The following KCNJ6 variants were observed in gnomAD, a reference collection of about 807,000 sequenced individuals.
The protein encoded by KCNJ6 is potassium inwardly rectifying channel subfamily J member 6.
A neutral mutation model predicts 34.2 loss-of-function variants in KCNJ6; 9 were observed. The ratio of observed to expected loss-of-function variants is 0.26; its 90% CI spans 0.16 to 0.46. KCNJ6 has a LOEUF of 0.46. Ranked by LOEUF, KCNJ6 falls within the 20% of genes least tolerant of loss-of-function variation. KCNJ6 has a pLI of 1.00. For missense variants in KCNJ6, 236 were observed against 531.3 expected, an observed-to-expected ratio of 0.44 and a Z score of 5.46; for synonymous variants, 196 against 207.1, an observed-to-expected ratio of 0.95 and a Z score of 0.46.
chr21:37,899,909 C>A (rs2055808314), intron 1 of KCNJ6, among the ~76,000 whole-genome samples: 1 of 152,158 alleles, frequency 6.6e-6, no homozygotes, highest in Non-Finnish European at 1.5e-5. Context: ...GATGTTAATT[C>A]CTCCTTTACA....
At chr21:37,722,551 A>G (rs981774157) in intron 2 of KCNJ6, among the ~76,000 whole-genome samples, 2 of 152,254 alleles carry the variant, frequency 1.3e-5, no homozygotes, top group African/African-American at 4.8e-5. Flanking sequence ...ATAAGGCTAC[A>G]GTAACCAAAA....
chr21:37,854,925 C>A (rs917290840), intron 1 of KCNJ6, among the ~76,000 whole-genome samples: 1 of 152,212 alleles, frequency 6.6e-6, no homozygotes, highest in African/African-American at 2.4e-5. Context: ...AAGATGCCAA[C>A]ACCCTTCTCT....
At chr21:37,712,054 G>T (rs1022678948) in intron 3 of KCNJ6, among the ~76,000 whole-genome samples, 2 of 152,194 alleles carry the variant, frequency 1.3e-5, no homozygotes, top group African/African-American at 2.4e-5. Context: ...CTGCCCCAGG[G>T]AGAATTCTGA....
intron 3 of KCNJ6, among the ~76,000 whole-genome samples, chr21:37,642,309 G>C (rs1254552765): frequency 6.6e-6 from 1 of 152,140 alleles, no homozygotes. Flanking sequence ...AGGAGAAGGG[G>C]GATGAGCCTG....
In KCNJ6 at chr21:37,759,940, CA is replaced by C. The variant is rs1313486618; in HGVS notation, c.26-44810del. On this transcript the variant is annotated intron_variant, in intron 2 of 3. Transcript: ENST00000609713. Reference sequence around the variant, plus strand: ...CTGCTGTCTTTTGGACTGCTCTCCCCAGGGGCAGCCAGATGCTACATCGTGA... The same window carrying C: ...CTGCTGTCTTTTGGACTGCTCTCCCCGGGGCAGCCAGATGCTACATCGTGA... Among the ~76,000 whole-genome samples the C allele has an allele frequency of 2.6e-5, 4 of 152,180 alleles. No homozygotes were observed. In the East Asian group the frequency reaches 7.7e-4, roughly 29 times the overall value.
chr21:37,623,861 G>A lies in KCNJ6; in HGVS notation c.*1298C>T, dbSNP rs1341166251. ...AGAAATGCTGATGGATAAGCCCCAG[G>A]GACAGGCGAGATGTCATTCTCAGAA... On this transcript the variant is annotated 3_prime_UTR_variant, in exon 4 of 4. Transcript: ENST00000609713. 1 of 152,094 alleles carries A rather than the reference G, an allele frequency of 6.6e-6. No homozygotes were observed. Among genetic ancestry groups the A allele is most frequent in the East Asian group, 1.9e-4 (1 of 5,190 alleles). The allele number at this position is 152,094 out of a possible 1,614,324, so 9.4% of individuals were successfully genotyped here.
intron 1 of KCNJ6, among the ~76,000 whole-genome samples, chr21:37,857,873 A>C (rs1601504348): frequency 6.6e-6 from 1 of 152,342 alleles, no homozygotes; most frequent in East Asian, 1.9e-4. Flanking sequence ...TGAATATTGA[A>C]ATAGAGGCCA....
chr21:37,815,500 A>G (rs2055342452), intron 2 of KCNJ6, among the ~76,000 whole-genome samples: 1 of 152,206 alleles, frequency 6.6e-6, no homozygotes, highest in Non-Finnish European at 1.5e-5. Context: ...CAGTGTAATC[A>G]CCAGACTTTG....
chr21:37,807,754 C>A (rs1325565737), intron 2 of KCNJ6, among the ~76,000 whole-genome samples: 1 of 152,208 alleles, frequency 6.6e-6, no homozygotes, highest in African/African-American at 2.4e-5. Flanking sequence ...CTGAATGTAT[C>A]CCTGTTCCTA....
chr21:37,899,274 A>T (rs1030520248), intron 1 of KCNJ6, among the ~76,000 whole-genome samples: 6 of 152,158 alleles, frequency 3.9e-5, no homozygotes, highest in Non-Finnish European at 7.3e-5. Flanking sequence ...CGCTTTAATG[A>T]TATTCTTGCA....
In KCNJ6 at chr21:37,610,889, G is replaced by A. The variant is rs2054240733; in HGVS notation, c.*14270C>T. The A allele has an allele frequency of 6.6e-6, 1 of 151,980 alleles. No homozygotes were observed. The highest frequency in any genetic ancestry group is 1.5e-5 in the Non-Finnish European group (1 of 67,976). 9.4% of individuals were successfully genotyped at this position (151,980 alleles called of 1,614,324 possible). ...AACATTGAATGCAGATAGCACAAAA[G>A]AAGATCTGAAATCAATCATTTAAGT... On this transcript the variant is annotated 3_prime_UTR_variant, in exon 4 of 4. Transcript: ENST00000609713.
intron 3 of KCNJ6, among the ~76,000 whole-genome samples, chr21:37,662,538 C>T (rs2054494488): frequency 6.6e-6 from 1 of 152,066 alleles, no homozygotes; most frequent in African/African-American, 2.4e-5. Flanking sequence ...GATTCTATGT[C>T]TTTGTTATGT....
intron 2 of KCNJ6, among the ~76,000 whole-genome samples, chr21:37,813,134 A>G (rs542871425): frequency 9.4e-4 from 143 of 152,376 alleles, no homozygotes; most frequent in African/African-American, 3.3e-3. Flanking sequence ...AATAATCTAA[A>G]AAAGAAATCA....
At chr21:37,908,907 T>G (rs1273296198) in intron 1 of KCNJ6, among the ~76,000 whole-genome samples, 1 of 152,230 alleles carries the variant, frequency 6.6e-6, no homozygotes, top group African/African-American at 2.4e-5. Flanking sequence ...GACTCCAGTG[T>G]GTTCACCCTA....
chr21:37,727,044 T>TGGAGAAGCAGCCAGATAAAGACAGAGGC (rs1409611307), intron 2 of KCNJ6, among the ~76,000 whole-genome samples: 4 of 152,130 alleles, frequency 2.6e-5, no homozygotes, highest in African/African-American at 9.7e-5. Flanking sequence ...CACAGGGACA[T>TGGAGAAGCAGCCAGATAAAGACAGAGGC]GGAGAAGCAG....
Position 37,620,030 on chromosome 21 carries a change from C to G in KCNJ6, c.*5129G>C, listed in dbSNP as rs2054285363. 1 of 151,408 alleles carries G rather than the reference C, an allele frequency of 6.6e-6. No homozygotes were observed. The highest frequency in any genetic ancestry group is 2.4e-5 in the African/African-American group (1 of 41,220). 9.4% of individuals were successfully genotyped at this position (151,408 alleles called of 1,614,324 possible). A position where few individuals can be genotyped will look rare whatever the true frequency, so the allele number is the denominator to read the frequency against. Reference sequence around the variant, plus strand: ...TGTGAAGCAGTTGTCTCTTTGACAACCGAAAAAAAAGAGTTATGTTATTTT... The same window carrying G: ...TGTGAAGCAGTTGTCTCTTTGACAAGCGAAAAAAAAGAGTTATGTTATTTT... On this transcript the variant is annotated 3_prime_UTR_variant, in exon 4 of 4. Transcript: ENST00000609713.
Position 37,625,185 on chromosome 21 carries a change from T to A in KCNJ6, c.1246A>T (p.Asn416Tyr). ...EQTERNGDVANLENESKV is the reference protein window; with the variant it reads ...EQTERNGDVAYLENESKV Reference sequence around the variant, plus strand: ...TAAACTTTGGATTCATTCTCCAGGTTTGCCACATCACCATTTCTTTCTGTT... The same window carrying A: ...TAAACTTTGGATTCATTCTCCAGGTATGCCACATCACCATTTCTTTCTGTT... Residue 416 changes from asparagine to tyrosine, a missense_variant, in exon 4 of 4, where the codon AAC (asparagine) becomes TAC (tyrosine). Around this residue, in one of 5 missense-constraint regions of KCNJ6, gnomAD observed 43 missense variants for 52.1 expected, o/e 0.82. Transcript: ENST00000609713. 6.2e-7 allele frequency: 1 copy of A among 1,614,098 alleles called. No individual in the cohort carries two copies. Among genetic ancestry groups the A allele is most frequent in the Non-Finnish European group, 8.5e-7 (1 of 1,179,960 alleles).
At chr21:37,884,088 T>A (rs182775876) in intron 1 of KCNJ6, among the ~76,000 whole-genome samples, 135 of 152,304 alleles carry the variant, frequency 8.9e-4, no homozygotes, top group African/African-American at 3.1e-3. Flanking sequence ...TCTAAAGCAA[T>A]GAAGTCACCT....
chr21:37,664,775 A>G (rs562614305), intron 3 of KCNJ6, among the ~76,000 whole-genome samples: 4 of 148,326 alleles, frequency 2.7e-5, no homozygotes, highest in African/African-American at 9.9e-5. Flanking sequence ...TGGAGATTGG[A>G]AAAAGAAAGA....
Sources: allele counts gnomAD v4.1 joint callset (sites outside exome capture counted in the v4.1 genomes callset), GRCh38; gene constraint gnomAD v4.1.1; regional missense constraint gnomAD v4.1.1; transcripts MANE v1.5; gene names NCBI Gene and HGNC (gene_info 2026-07-23, HGNC 2026-07-21).